The following FUBP3 variants were observed in gnomAD, a reference collection of about 807,000 sequenced individuals.
FUBP3 encodes far upstream element-binding protein 3.
A neutral mutation model predicts 85.6 loss-of-function variants in FUBP3; 28 were observed. The observed-to-expected ratio is 0.33, with a 90% confidence interval of 0.24 to 0.45. The LOEUF (loss-of-function observed/expected upper bound fraction) is 0.45. Ranked by LOEUF, FUBP3 falls within the 20% of genes least tolerant of loss-of-function variation. FUBP3 has a pLI of 1.00. For synonymous variants in FUBP3, 271 were observed against 271.4 expected, an observed-to-expected ratio of 1.00 and a Z score of 0.01; for missense variants, 583 against 755.1, an observed-to-expected ratio of 0.77 and a Z score of 2.67.
intron 18 of FUBP3, 51 bp downstream of exon 18, chr9:130,636,177 G>A: frequency 1.3e-6 from 2 of 1,581,672 alleles, no homozygotes; most frequent in Non-Finnish European, 1.7e-6. Flanking sequence ...CCGAGCCCCT[G>A]CTCCCAAGCC....
intron 13 of FUBP3, chr9:130,631,245 TG>T: frequency 3.1e-6 from 4 of 1,296,974 alleles, no homozygotes. Context: ...GGACGTAGAA[TG>T]GCAGAAAGAG....
At chr9:130,626,264 C>T (rs760688811) in intron 11 of FUBP3, 100 bp from the exon 12 acceptor site, 108 of 1,241,206 alleles carry the variant, frequency 8.7e-5, no homozygotes, top group Non-Finnish European at 1.6e-5. Context: ...TGATGGGTGG[C>T]ATTGATTACA....
intron 12 of FUBP3, 99 bp downstream of exon 12, chr9:130,626,604 G>A: frequency 3.1e-6 from 4 of 1,274,810 alleles, no homozygotes; most frequent in Non-Finnish European, 4.4e-6. Flanking sequence ...TCCCTTTGCT[G>A]CTGCAGGCTG....
At chr9:130,613,750 T>G (rs1017137810) in intron 5 of FUBP3, among the ~76,000 whole-genome samples, 1 of 152,208 alleles carries the variant, frequency 6.6e-6, no homozygotes, top group Non-Finnish European at 1.5e-5. Context: ...GCAAATTTTT[T>G]CAGGAACAAA....
rs1406697323 is a variant in FUBP3, at chr9:130,624,608, T to TG, written c.975+897_975+898insG. Among the ~76,000 whole-genome samples the TG allele has an allele frequency of 3.3e-4, 43 of 130,920 alleles. No individual in the cohort carries two copies. In the Admixed American group the frequency reaches 3.3e-3, roughly 10 times the overall value. The allele number at this position is 130,920 out of a possible 152,430, so 85.9% of individuals were successfully genotyped here. A position where few individuals can be genotyped will look rare whatever the true frequency, so the allele number is the denominator to read the frequency against. On this transcript the variant is annotated intron_variant, in intron 11 of 18. Transcript: ENST00000319725. ...AAACTTTCTTAAAATGTTACAAGAT[T>TG]TTGTGTGTGTGTGTGTGTGTGTGTG... is the stretch of plus-strand genomic sequence containing the variant.
At position 130,612,842 on chromosome 9, in the gene FUBP3, C is replaced by G. The variant is rs535342674; in HGVS notation, c.275-114C>G. On this transcript the variant is annotated intron_variant, in intron 4 of 18. Coordinates refer to ENST00000319725, the MANE Select transcript of FUBP3 (RefSeq NM_003934.2). This position sits in a 1 kb window ranked among gnomAD's most constrained non-coding sequence, Gnocchi z 4.1. Reference sequence around the variant, plus strand: ...GGAGATGGGCTCACGGGGGCCAACTCGATGTGTAGTATTGTGAGCCAAGTG... The same window carrying G: ...GGAGATGGGCTCACGGGGGCCAACTGGATGTGTAGTATTGTGAGCCAAGTG... 1.3e-4 allele frequency: 98 copies of G among 756,702 alleles called. No individual in the cohort carries two copies. The highest frequency in any genetic ancestry group is 9.4e-4 in the Middle Eastern group (4 of 4,242). The allele number at this position is 756,702 out of a possible 1,614,324, so 46.9% of individuals were successfully genotyped here.
At position 130,617,849 on chromosome 9, in the gene FUBP3, G is replaced by A; in HGVS notation, c.620G>A (p.Gly207Glu). Reference protein sequence around the residue: ...VMIQDGPLPTGADKPLRITGD... With the variant: ...VMIQDGPLPTEADKPLRITGD... The stretch of plus-strand genomic sequence containing the variant: ...ATCCAGGATGGCCCATTGCCCACGG[G>A]AGCAGACAAGCCTCTTCGTATCACT... The change falls in exon 8 of 19, where the codon GGA (glycine) becomes GAA (glutamate). Residue 207 changes from glycine (G) to glutamate (E), a missense_variant. Physicochemically the swap from Gly to Glu is moderately conservative, Grantham distance 98. Coordinates refer to ENST00000319725, the MANE Select transcript of FUBP3 (RefSeq NM_003934.2). 1 of 1,610,442 alleles carries A rather than the reference G, an allele frequency of 6.2e-7. No homozygotes were observed. Among genetic ancestry groups the A allele is most frequent in the Non-Finnish European group, 8.5e-7 (1 of 1,176,742 alleles).
At chr9:130,597,477 G>T (rs1830930164) in intron 2 of FUBP3, among the ~76,000 whole-genome samples, 1 of 152,188 alleles carries the variant, frequency 6.6e-6, no homozygotes, top group South Asian at 2.1e-4. Flanking sequence ...CAGAATTCCG[G>T]CCGCTTGGTC....
At chr9:130,583,542 C>A (rs1453508393) in intron 1 of FUBP3, among the ~76,000 whole-genome samples, 1 of 152,232 alleles carries the variant, frequency 6.6e-6, no homozygotes, top group Non-Finnish European at 1.5e-5. Flanking sequence ...CTGTCTTGTA[C>A]ATGTCCAGTG....
rs1325493096 is a variant in FUBP3, at chr9:130,616,683, C to T, written c.567+166C>T. Among the ~76,000 whole-genome samples, 1 of 152,230 alleles carries T rather than the reference C, an allele frequency of 6.6e-6. No individual in the cohort carries two copies. The highest frequency in any genetic ancestry group is 1.5e-5 in the Non-Finnish European group (1 of 68,046). Reference sequence around the variant, plus strand: ...TTGACAGACAGCTTCTGAACATACACCACGGCCACGTCTGATGCCAAATAT... The same window carrying T: ...TTGACAGACAGCTTCTGAACATACATCACGGCCACGTCTGATGCCAAATAT... On this transcript the variant is annotated intron_variant, in intron 7 of 18. Transcript: ENST00000319725. The surrounding 1 kb of genome is among the most constrained non-coding windows in gnomAD (Gnocchi z 4.7).
At chr9:130,583,013 C>T (rs1328039091) in intron 1 of FUBP3, among the ~76,000 whole-genome samples, 1 of 152,226 alleles carries the variant, frequency 6.6e-6, no homozygotes, top group Non-Finnish European at 1.5e-5. Context: ...GATTGTATAA[C>T]TACAGCATAT....
At chr9:130,610,568 G>A (rs1337791806) in intron 3 of FUBP3, among the ~76,000 whole-genome samples, 2 of 152,204 alleles carry the variant, frequency 1.3e-5, no homozygotes, top group Non-Finnish European at 2.9e-5. Flanking sequence ...TACAGAAAGA[G>A]CCCTGAGTTT....
At position 130,635,136 on chromosome 9, in the gene FUBP3, C is replaced by T. The variant is rs1830368332; in HGVS notation, c.1582+398C>T. 6.6e-6 allele frequency among the ~76,000 whole-genome samples: 1 copy of T among 152,136 alleles called. No homozygotes were observed. The highest frequency in any genetic ancestry group is 1.5e-5 in the Non-Finnish European group (1 of 68,036). ...CATCTTGTTCTCTGTCTTGGTGCTTCAGGGCAGATGAGGAGAGGTGGTGAG... is the reference window on the plus strand; with the variant it reads ...CATCTTGTTCTCTGTCTTGGTGCTTTAGGGCAGATGAGGAGAGGTGGTGAG... On this transcript the variant is annotated intron_variant, in intron 17 of 18. Coordinates refer to ENST00000319725, the MANE Select transcript of FUBP3 (RefSeq NM_003934.2). The surrounding 1 kb of genome is among the most constrained non-coding windows in gnomAD (Gnocchi z 4.3).
intron 1 of FUBP3, among the ~76,000 whole-genome samples, chr9:130,586,782 G>A (rs1475963005): frequency 1.8e-5 from 2 of 113,830 alleles, no homozygotes; most frequent in African/African-American, 6.8e-5. Flanking sequence ...ACGGAGTCTC[G>A]CTCTGTCACC....
chr9:130,589,335 T>TTATG (rs1830481417), intron 1 of FUBP3, among the ~76,000 whole-genome samples: 2 of 150,182 alleles, frequency 1.3e-5, no homozygotes, highest in South Asian at 4.3e-4. Context: ...TAAATTTACA[T>TTATG]TATTTATTTA....
intron 1 of FUBP3, among the ~76,000 whole-genome samples, chr9:130,589,061 A>G (rs1483082385): frequency 6.6e-6 from 1 of 152,168 alleles, no homozygotes; most frequent in Non-Finnish European, 1.5e-5. Flanking sequence ...GCAGGGACAC[A>G]TATGTGGATG....
chr9:130,589,687 A>T lies in FUBP3; in HGVS notation c.85-5796A>T, dbSNP rs1483539975. Among the ~76,000 whole-genome samples, 8 of 27,276 alleles carry T rather than the reference A, an allele frequency of 2.9e-4. 2 individuals are homozygous for T. Among genetic ancestry groups the T allele is most frequent in the African/African-American group, 3.0e-4 (2 of 6,568 alleles). 17.9% of individuals were successfully genotyped at this position (27,276 alleles called of 152,430 possible). ...TATGTATGTGTGTGTATATATATAT[A>T]TATATATATATATATATATTTTTTT... On this transcript the variant is annotated intron_variant, in intron 1 of 18. Coordinates refer to ENST00000319725, the MANE Select transcript of FUBP3 (RefSeq NM_003934.2).
chr9:130,622,516 C>T (rs1251387990), intron 9 of FUBP3, among the ~76,000 whole-genome samples, 192 bp from the exon 10 acceptor site: 1 of 151,420 alleles, frequency 6.6e-6, no homozygotes, highest in Non-Finnish European at 1.5e-5. Flanking sequence ...CCTGTTTTCT[C>T]AGCTACTTAG....
At chr9:130,594,398 C>T (rs1431850506) in intron 1 of FUBP3, among the ~76,000 whole-genome samples, 5 of 151,952 alleles carry the variant, frequency 3.3e-5, no homozygotes, top group East Asian at 1.9e-4. Flanking sequence ...GCCTGGCCAA[C>T]GTGGTGAAAT....
Sources: allele counts gnomAD v4.1 joint callset (sites outside exome capture counted in the v4.1 genomes callset), GRCh38; gene constraint gnomAD v4.1.1; non-coding constraint Gnocchi (gnomAD v3.1); transcripts MANE v1.5; gene names NCBI Gene and HGNC (gene_info 2026-07-23, HGNC 2026-07-21).